UHRF2: variants seen among roughly 807,000 people sequenced by gnomAD.
UHRF2 encodes the protein E3 ubiquitin-protein ligase UHRF2.
In UHRF2, 23 loss-of-function variants were observed where a neutral mutation model predicts 96.8. That is an observed-to-expected ratio of 0.24 (90% CI 0.17 to 0.34). The LOEUF (loss-of-function observed/expected upper bound fraction) is 0.34, where lower values mean the gene tolerates loss of function less well. Among genes scored for constraint, UHRF2 ranks in the 10% least tolerant of loss-of-function variants. UHRF2 has a pLI of 1.00. For synonymous variants in UHRF2, 385 were observed against 332.6 expected (o/e 1.16, Z -1.72); for missense variants, 685 against 981.5 (o/e 0.70, Z 4.04).
At chr9:6,497,080 G>C (rs1304894538) in intron 10 of UHRF2, 118 bp from the exon 11 acceptor site, 2 of 898,770 alleles carry the variant, frequency 2.2e-6, no homozygotes, top group Non-Finnish European at 3.3e-6. Context: ...AATATGGAAA[G>C]AATCATAGAA....
At chr9:6,440,281 C>T (rs572580233) in intron 3 of UHRF2, among the ~76,000 whole-genome samples, 15 of 152,206 alleles carry the variant, frequency 9.9e-5, no homozygotes, top group Admixed American at 2.0e-4. Flanking sequence ...TCTTATGTGC[C>T]GGACTCTGAG....
intron 4 of UHRF2, 87 bp downstream of exon 4, chr9:6,460,878 A>G (rs1016735259): frequency 2.9e-6 from 3 of 1,045,152 alleles, no homozygotes; most frequent in African/African-American, 1.6e-5. Flanking sequence ...ACCTTAGTAA[A>G]AAAAGATGGA....
intron 6 of UHRF2, among the ~76,000 whole-genome samples, chr9:6,478,858 A>G (rs575493616): frequency 1.3e-5 from 2 of 152,142 alleles, no homozygotes; most frequent in African/African-American, 4.8e-5. Flanking sequence ...TCCTACTACT[A>G]CCTCATATGA....
chr9:6,448,821 T>TG (rs1689365717), intron 3 of UHRF2, among the ~76,000 whole-genome samples: 1 of 152,242 alleles, frequency 6.6e-6, no homozygotes, highest in Admixed American at 6.5e-5. Flanking sequence ...AAGCCTTGAA[T>TG]GTCACCTTTT....
chr9:6,423,553 A>C (rs1264851867), intron 2 of UHRF2, among the ~76,000 whole-genome samples: 3 of 152,192 alleles, frequency 2.0e-5, no homozygotes, highest in African/African-American at 7.2e-5. Flanking sequence ...TTTCAATATA[A>C]TTCATTGTAC....
chr9:6,501,487 C>G (rs1389041722), intron 14 of UHRF2, among the ~76,000 whole-genome samples: 1 of 152,182 alleles, frequency 6.6e-6, no homozygotes, highest in Non-Finnish European at 1.5e-5. Context: ...AACACAAAAA[C>G]TCTACAGAGT....
At chr9:6,442,543 A>G (rs1261971452) in intron 3 of UHRF2, among the ~76,000 whole-genome samples, 1 of 152,042 alleles carries the variant, frequency 6.6e-6, no homozygotes, top group African/African-American at 2.4e-5. Context: ...CAGTGGCACA[A>G]ACATGGCTCA....
chr9:6,452,345 G>A (rs963259576), intron 3 of UHRF2, among the ~76,000 whole-genome samples: 3 of 152,180 alleles, frequency 2.0e-5, no homozygotes, highest in African/African-American at 4.8e-5. Flanking sequence ...TGTATAGACA[G>A]TGTTTCTGGT....
intron 9 of UHRF2, 103 bp from the exon 10 acceptor site, chr9:6,493,723 G>GTCAA: frequency 1.0e-6 from 1 of 988,582 alleles, no homozygotes; most frequent in Non-Finnish European, 1.5e-6. Context: ...AAGAGAAAAT[G>GTCAA]TCAACTCATA....
intron 6 of UHRF2, among the ~76,000 whole-genome samples, chr9:6,480,932 G>A (rs1253630604): frequency 6.6e-6 from 1 of 152,114 alleles, no homozygotes; most frequent in Admixed American, 6.5e-5. Flanking sequence ...GAAATAGAAA[G>A]TATGGGCAAA....
intron 2 of UHRF2, among the ~76,000 whole-genome samples, chr9:6,425,678 A>G (rs1820214955): frequency 6.6e-6 from 1 of 152,044 alleles, no homozygotes; most frequent in Middle Eastern, 3.2e-3. Context: ...CAGGAGTATC[A>G]CTTGAACCCA....
chr9:6,467,753 T>A (rs1477750332), intron 4 of UHRF2, among the ~76,000 whole-genome samples: 4 of 152,144 alleles, frequency 2.6e-5, no homozygotes, highest in Admixed American at 6.6e-5. Flanking sequence ...ACTTAAATAC[T>A]CTGCTTGAGC....
chr9:6,436,930 A>T lies in UHRF2; in HGVS notation c.644+2757A>T, dbSNP rs111257895. Among the ~76,000 whole-genome samples, 411 of 152,332 alleles carry T rather than the reference A, an allele frequency of 2.7e-3. 2 individuals are homozygous for T. Among genetic ancestry groups the T allele is most frequent in the South Asian group, 0.015 (72 of 4,830 alleles). On this transcript the variant is annotated intron_variant, in intron 3 of 15. Coordinates refer to ENST00000276893, the MANE Select transcript of UHRF2 (RefSeq NM_152896.3). ...ATAGCTGAACTTTCTTTGAAAAATG[A>T]AAGATAACAGAAGCTTAGTAACAGG...
In UHRF2 at chr9:6,477,819, C is replaced by T. The variant is rs764409787; in HGVS notation, c.1160+11C>T. 1.2e-5 allele frequency: 19 copies of T among 1,575,622 alleles called. No individual in the cohort carries two copies. In the East Asian group the frequency reaches 2.3e-4, roughly 19 times the overall value. ...AGAAGAGGAATACTGGTATGATTAT[C>T]AGGTTTTTGTTGTTGTTGTTCTTGC... On this transcript the variant is annotated intron_variant, in intron 6 of 15. Transcript: ENST00000276893.
intron 1 of UHRF2, 75 bp downstream of exon 1, chr9:6,413,718 A>T (rs957419920): frequency 7.3e-7 from 1 of 1,369,028 alleles, no homozygotes; most frequent in Non-Finnish European, 9.4e-7. Context: ...CACCGGTCCG[A>T]GGGCTCTGTG....
At chr9:6,478,915 C>G (rs765137140) in intron 6 of UHRF2, among the ~76,000 whole-genome samples, 39 of 152,162 alleles carry the variant, frequency 2.6e-4, no homozygotes, top group Non-Finnish European at 5.4e-4. Context: ...CCTCTGACGT[C>G]TCATATTTTC....
At chr9:6,427,555 C>T (rs992356456) in intron 2 of UHRF2, among the ~76,000 whole-genome samples, 1 of 151,984 alleles carries the variant, frequency 6.6e-6, no homozygotes, top group Admixed American at 6.6e-5. Context: ...GCTGTGGTGG[C>T]GTACGACTAA....
At chr9:6,486,391 C>A (rs1824291456) in intron 8 of UHRF2, among the ~76,000 whole-genome samples, 1 of 152,168 alleles carries the variant, frequency 6.6e-6, no homozygotes, top group South Asian at 2.1e-4. Flanking sequence ...TAAAATAACT[C>A]CTGCATTTTT....
intron 1 of UHRF2, among the ~76,000 whole-genome samples, chr9:6,418,532 T>G (rs1250699372): frequency 1.3e-5 from 2 of 152,190 alleles, no homozygotes; most frequent in African/African-American, 4.8e-5. Flanking sequence ...TCTAGTAGAT[T>G]AAAAGTTTTA....
Sources: allele counts gnomAD v4.1 joint callset (sites outside exome capture counted in the v4.1 genomes callset), GRCh38; gene constraint gnomAD v4.1.1; transcripts MANE v1.5; gene names NCBI Gene and HGNC (gene_info 2026-07-23, HGNC 2026-07-21).